The following MCTP1 variants were observed in gnomAD, a reference collection of about 807,000 sequenced individuals.
MCTP1 encodes multiple C2 and transmembrane domain containing 1.
A neutral mutation model predicts 120.6 loss-of-function variants in MCTP1; 69 were observed. The ratio of observed to expected loss-of-function variants is 0.57; its 90% CI spans 0.47 to 0.70. The LOEUF (loss-of-function observed/expected upper bound fraction) is 0.70, where lower values mean the gene tolerates loss of function less well. Ranked by LOEUF, MCTP1 falls within the 30% of genes least tolerant of loss-of-function variation. MCTP1 has a pLI of 0.00. For synonymous variants in MCTP1, 529 were observed against 493.1 expected, an observed-to-expected ratio of 1.07 and a Z score of -0.96; for missense variants, 1,203 against 1,248.8, an observed-to-expected ratio of 0.96 and a Z score of 0.55.
intron 1 of MCTP1, among the ~76,000 whole-genome samples, chr5:95,161,777 A>G (rs893864080): frequency 3.3e-5 from 5 of 152,326 alleles, no homozygotes; most frequent in Admixed American, 2.6e-4. Context: ...GTAACTTATC[A>G]AAGTTCACCA....
At chr5:94,889,117 CT>C in intron 11 of MCTP1, 145 bp from the exon 12 acceptor site, 1 of 553,138 alleles carries the variant, frequency 1.8e-6, no homozygotes, top group Non-Finnish European at 3.2e-6. Context: ...TTTTTTTTTA[CT>C]GTTTTCCTCT....
intron 1 of MCTP1, among the ~76,000 whole-genome samples, chr5:95,222,907 A>G (rs923087711): frequency 6.6e-6 from 1 of 152,258 alleles, no homozygotes; most frequent in African/African-American, 2.4e-5. Flanking sequence ...AGAGGCTGGC[A>G]AGTCCAGAGT....
intron 2 of MCTP1, among the ~76,000 whole-genome samples, chr5:94,984,444 C>A (rs374697487): frequency 6.6e-6 from 1 of 152,134 alleles, no homozygotes; most frequent in East Asian, 1.9e-4. Flanking sequence ...CTGGCTGAAG[C>A]GGAAAATTTG....
chr5:95,170,276 C>G (rs1052717490), intron 1 of MCTP1, among the ~76,000 whole-genome samples: 3 of 152,100 alleles, frequency 2.0e-5, no homozygotes, highest in Non-Finnish European at 4.4e-5. Flanking sequence ...GTCTGAGAGA[C>G]AGTTTGTTAT....
rs562602828 is a variant in MCTP1, at chr5:95,266,236, C to T, written c.720+17620G>A. On this transcript the variant is annotated intron_variant, in intron 1 of 22. Coordinates refer to ENST00000515393, the MANE Select transcript of MCTP1 (RefSeq NM_024717.7). ...CAGGCCATGGTTGAAATTTCAGAGA[C>T]TCAAGTTTTAACTTTTATAATGCTA... is the stretch of plus-strand genomic sequence containing the variant. Among the ~76,000 whole-genome samples the T allele has an allele frequency of 7.2e-5, 11 of 152,288 alleles. No individual in the cohort carries two copies. The South Asian group carries it at 2.3e-3, about 32-fold the overall frequency.
At chr5:94,991,883 A>AAT (rs1831620442) in intron 2 of MCTP1, among the ~76,000 whole-genome samples, 1 of 150,064 alleles carries the variant, frequency 6.7e-6, no homozygotes, top group African/African-American at 2.4e-5. Context: ...ATCTCAAAAA[A>AAT]AAATAAAAAT....
intron 2 of MCTP1, chr5:94,976,936 C>T (rs2153586546): frequency 6.6e-6 from 1 of 152,236 alleles, no homozygotes; most frequent in South Asian, 2.1e-4. Context: ...CCCACTCTCA[C>T]CACTTCCATT....
intron 19 of MCTP1, among the ~76,000 whole-genome samples, chr5:94,760,629 T>C (rs986140675): frequency 6.6e-6 from 1 of 152,058 alleles, no homozygotes; most frequent in Non-Finnish European, 1.5e-5. Context: ...CAGAGAAACA[T>C]TAGCTCCAGG....
intron 2 of MCTP1, among the ~76,000 whole-genome samples, chr5:94,983,713 A>C (rs1829945386): frequency 6.6e-6 from 1 of 152,044 alleles, no homozygotes; most frequent in Non-Finnish European, 1.5e-5. Flanking sequence ...TTCAACTAGA[A>C]AGTAATTCAT....
chr5:94,745,104 T>C (rs1355845060), intron 19 of MCTP1, among the ~76,000 whole-genome samples: 1 of 152,208 alleles, frequency 6.6e-6, no homozygotes, highest in African/African-American at 2.4e-5. Context: ...CCACTTCTCA[T>C]GACCATAGTT....
intron 19 of MCTP1, among the ~76,000 whole-genome samples, chr5:94,716,754 GT>G (rs35567543): frequency 0.031 from 4,471 of 145,224 alleles, 115 homozygotes; most frequent in African/African-American, 0.077. Context: ...TATATAAAAA[GT>G]TTTTTTTTTT....
chr5:94,876,242 A>G (rs954009870), intron 12 of MCTP1, among the ~76,000 whole-genome samples: 7 of 152,202 alleles, frequency 4.6e-5, no homozygotes, highest in Non-Finnish European at 8.8e-5. Flanking sequence ...GAGAAATACT[A>G]GTGATGGACC....
chr5:95,203,299 T>G (rs1019240664), intron 1 of MCTP1, among the ~76,000 whole-genome samples: 8 of 152,340 alleles, frequency 5.3e-5, no homozygotes, highest in Non-Finnish European at 1.0e-4. Context: ...GTGCTATGTT[T>G]CTATAATGGA....
At chr5:95,199,431 T>A (rs1187918866) in intron 1 of MCTP1, among the ~76,000 whole-genome samples, 1 of 152,130 alleles carries the variant, frequency 6.6e-6, no homozygotes, top group Non-Finnish European at 1.5e-5. Flanking sequence ...TGAACAGACA[T>A]TTCTAAAAAG....
chr5:94,898,584 G>A (rs534139301), intron 10 of MCTP1, among the ~76,000 whole-genome samples: 6 of 152,302 alleles, frequency 3.9e-5, no homozygotes, highest in African/African-American at 1.4e-4. Flanking sequence ...GTTATGTCCT[G>A]AACAAAGGGA....
intron 1 of MCTP1, among the ~76,000 whole-genome samples, chr5:95,248,150 A>G (rs1458419640): frequency 6.6e-6 from 1 of 152,204 alleles, no homozygotes; most frequent in Non-Finnish European, 1.5e-5. Flanking sequence ...CCTATTCAAC[A>G]TAGTATTGGA....
intron 19 of MCTP1, among the ~76,000 whole-genome samples, chr5:94,716,062 G>A (rs573911287): frequency 3.9e-5 from 6 of 152,150 alleles, no homozygotes; most frequent in Non-Finnish European, 8.8e-5. Flanking sequence ...CAGAAACTGC[G>A]GGCAAGTGAA....
intron 9 of MCTP1, among the ~76,000 whole-genome samples, chr5:94,912,152 A>G (rs1313154178): frequency 6.6e-6 from 1 of 152,084 alleles, no homozygotes; most frequent in African/African-American, 2.4e-5. Flanking sequence ...TGATATTAGC[A>G]CTAGTTGTAA....
intron 9 of MCTP1, 30 bp from the exon 10 acceptor site, chr5:94,909,411 G>T (rs1717809470): frequency 1.3e-6 from 2 of 1,558,082 alleles, no homozygotes; most frequent in African/African-American, 1.4e-5. Flanking sequence ...TTGTCATATT[G>T]CTAGCAGCTT....
Sources: gnomAD v4.1 joint callset for allele counts (sites outside exome capture counted in the v4.1 genomes callset) on GRCh38, gnomAD v4.1.1 for gene constraint, MANE v1.5 for transcripts, NCBI Gene and HGNC (gene_info 2026-07-23, HGNC 2026-07-21) for gene names.